DIPK1A: variants seen among roughly 807,000 people sequenced by gnomAD.
DIPK1A encodes divergent protein kinase domain 1A.
DIPK1A carries 27 observed loss-of-function variants against 40.8 expected under a neutral mutation model. That is an observed-to-expected ratio of 0.66 (90% CI 0.49 to 0.91). The LOEUF (loss-of-function observed/expected upper bound fraction) is 0.91. Ranked by LOEUF, DIPK1A falls within the 40% of genes least tolerant of loss-of-function variation. The probability of loss-of-function intolerance (pLI) is 0.00; values close to 1 mark genes in which losing one functional copy is unlikely to be tolerated. For missense variants in DIPK1A, 412 were observed against 505.7 expected, an observed-to-expected ratio of 0.81 and a Z score of 1.78; for synonymous variants, 166 against 171.3, an observed-to-expected ratio of 0.97 and a Z score of 0.24.
intron 4 of DIPK1A, among the ~76,000 whole-genome samples, chr1:92,846,884 C>T (rs1293859181): frequency 0.14 from 113 of 786 alleles, 40 homozygotes; most frequent in East Asian, 0.24. Context: ...TATATATATA[C>T]ACACACACGT....
At chr1:92,870,160 TAA>T (rs1344797237) in intron 2 of DIPK1A, among the ~76,000 whole-genome samples, 1 of 152,082 alleles carries the variant, frequency 6.6e-6, no homozygotes, top group African/African-American at 2.4e-5. Flanking sequence ...CATATTTGCA[TAA>T]GTGGCTTCAT....
chr1:92,891,513 T>C (rs12736373), intron 1 of DIPK1A, among the ~76,000 whole-genome samples: 1 of 152,152 alleles, frequency 6.6e-6, no homozygotes, highest in Admixed American at 6.5e-5. Context: ...TTCAATAAAA[T>C]AAAAAATTTC....
intron 1 of DIPK1A, among the ~76,000 whole-genome samples, chr1:92,884,247 G>C (rs1171470638): frequency 6.6e-6 from 1 of 152,008 alleles, no homozygotes; most frequent in Non-Finnish European, 1.5e-5. Context: ...AGGAGTTTGA[G>C]ACCAGCCCAG....
At chr1:92,953,373 A>G (rs892898336) in intron 1 of DIPK1A, among the ~76,000 whole-genome samples, 4 of 152,238 alleles carry the variant, frequency 2.6e-5, no homozygotes, top group Non-Finnish European at 5.9e-5. Context: ...AATTAAAAAT[A>G]GAATTACCAT....
chr1:92,917,829 T>C (rs975033953), intron 1 of DIPK1A, among the ~76,000 whole-genome samples: 1 of 152,128 alleles, frequency 6.6e-6, no homozygotes, highest in African/African-American at 2.4e-5. Flanking sequence ...CTGTGGTGGA[T>C]TTTTGAGAAT....
In DIPK1A at chr1:92,847,378, C is replaced by A; in HGVS notation, c.298-19G>T. The A allele has an allele frequency of 6.4e-7, 1 of 1,572,232 alleles. No homozygotes were observed. Among genetic ancestry groups the A allele is most frequent in the Non-Finnish European group, 8.7e-7 (1 of 1,155,546 alleles). On this transcript the variant is annotated intron_variant, in intron 3 of 4. Transcript: ENST00000370310. ...AATACATCTATGTAAAAAAGAGTGG[C>A]AAGTTATGTATTATACTGAGTAGAA...
Position 92,847,106 on chromosome 1 carries a change from T to C in DIPK1A, c.474+77A>G, listed in dbSNP as rs562412930. 1.4e-5 allele frequency: 12 copies of C among 881,362 alleles called. No individual in the cohort carries two copies. The South Asian group carries it at 1.7e-4, about 12-fold the overall frequency. The allele number at this position is 881,362 out of a possible 1,614,324, so 54.6% of individuals were successfully genotyped here. ...AGGTCAAAGAATATCAACACTTTAATGGCTTAGGATGAGGTCCTGCCAATT... is the reference window on the plus strand; with the variant it reads ...AGGTCAAAGAATATCAACACTTTAACGGCTTAGGATGAGGTCCTGCCAATT... On this transcript the variant is annotated intron_variant, in intron 4 of 4. Transcript: ENST00000370310.
At chr1:92,961,109 G>T (rs752359469) in intron 1 of DIPK1A, among the ~76,000 whole-genome samples, 49 of 152,146 alleles carry the variant, frequency 3.2e-4, no homozygotes, top group South Asian at 8.3e-4. Context: ...CTCAGGATGC[G>T]AGGGCGTACC....
intron 1 of DIPK1A, among the ~76,000 whole-genome samples, chr1:92,898,528 T>C (rs1193178802): frequency 6.6e-6 from 1 of 152,066 alleles, no homozygotes; most frequent in Non-Finnish European, 1.5e-5. Flanking sequence ...CAGGATAGAG[T>C]GCGGTGGTAT....
intron 1 of DIPK1A, among the ~76,000 whole-genome samples, chr1:92,895,088 G>A (rs906237935): frequency 1.3e-5 from 2 of 152,004 alleles, no homozygotes; most frequent in Non-Finnish European, 2.9e-5. Flanking sequence ...AGGAGGAGCT[G>A]GTACCATTCC....
rs555794242 is a variant in DIPK1A at position 92,946,852 on chromosome 1, G to A, written c.54+14524C>T. Among the ~76,000 whole-genome samples, 3 of 151,610 alleles carry A rather than the reference G, an allele frequency of 2.0e-5. No homozygotes were observed. The East Asian group carries it at 5.8e-4, about 29-fold the overall frequency. On this transcript the variant is annotated intron_variant, in intron 1 of 4. Coordinates refer to ENST00000370310, the MANE Select transcript of DIPK1A (RefSeq NM_001006605.5). ...CCAACTACTTGGGAGGCTGAGGTGG[G>A]AGGATCTCCCGAGCCTGCGATGTTG...
intron 4 of DIPK1A, among the ~76,000 whole-genome samples, chr1:92,846,794 TATATA>T (rs1406841411): frequency 0.01 from 37 of 3,668 alleles, 5 homozygotes; most frequent in South Asian, 0.023. Context: ...ACTCCTGGCA[TATATA>T]TATATATATA....
chr1:92,844,472 T>C (rs929454418), intron 4 of DIPK1A, among the ~76,000 whole-genome samples: 1 of 152,150 alleles, frequency 6.6e-6, no homozygotes, highest in Non-Finnish European at 1.5e-5. Flanking sequence ...GCCCCTTAGA[T>C]AGTTAACCAA....
intron 3 of DIPK1A, 21 bp from the exon 4 acceptor site, chr1:92,847,380 A>G (rs746020663): frequency 2.5e-6 from 4 of 1,568,694 alleles, no homozygotes; most frequent in East Asian, 2.3e-5. Flanking sequence ...AAGAGTGGCA[A>G]GTTATGTATT....
downstream of DIPK1A, chr1:92,841,678 T>C: frequency 1.2e-6 from 1 of 819,064 alleles, no homozygotes; most frequent in African/African-American, 1.8e-5. Flanking sequence ...ATATTCTCTA[T>C]CAAAATTAAA....
At chr1:92,867,215 CTTTT>C (rs5776161) in intron 2 of DIPK1A, among the ~76,000 whole-genome samples, 3 of 125,640 alleles carry the variant, frequency 2.4e-5, no homozygotes, top group Admixed American at 1.6e-4. Context: ...TACTCCAATT[CTTTT>C]TTTTTTTTTT....
rs1475062706 is a variant in DIPK1A at position 92,843,703 on chromosome 1, T to C, written c.967A>G (p.Lys323Glu). 1 of 1,551,636 alleles carries C rather than the reference T, an allele frequency of 6.4e-7. No homozygotes were observed. The highest frequency in any genetic ancestry group is 1.4e-5 in the African/African-American group (1 of 73,046). ...MRKIVPETNL[K>E]ELIKDRHCES... ...CAGTGACGATCCTTAATAAGTTCTT[T>C]CAGGTTTGTCTCTGGCACAATTTTT... Residue 323 changes from lysine to glutamate, a missense_variant, in exon 5 of 5, where the codon AAA becomes GAA. Physicochemically the swap from Lys to Glu is moderately conservative, Grantham distance 56. Transcript: ENST00000370310.
intron 1 of DIPK1A, among the ~76,000 whole-genome samples, chr1:92,948,696 C>CGTAT (rs1651492954): frequency 1.2e-5 from 1 of 80,414 alleles, no homozygotes; most frequent in Admixed American, 1.3e-4. Flanking sequence ...TGTATATATA[C>CGTAT]ACATATGTAT....
intron 2 of DIPK1A, among the ~76,000 whole-genome samples, chr1:92,868,772 C>T (rs1177206221): frequency 6.6e-6 from 1 of 152,042 alleles, no homozygotes; most frequent in Non-Finnish European, 1.5e-5. Context: ...TCGAGACCAG[C>T]CTGGCCAACG....
Sources: gnomAD v4.1 joint callset for allele counts (sites outside exome capture counted in the v4.1 genomes callset) on GRCh38, gnomAD v4.1.1 for gene constraint, MANE v1.5 for transcripts, NCBI Gene and HGNC (gene_info 2026-07-23, HGNC 2026-07-21) for gene names.